Variants in ST6GALNAC3 observed in about 807,000 individuals in gnomAD.
ST6GALNAC3 encodes the protein ST6 N-acetylgalactosaminide alpha-2,6-sialyltransferase 3, also known as alpha-N-acetylgalactosaminide alpha-2,6-sialyltransferase 3.
In ST6GALNAC3, 25 loss-of-function variants were observed where a neutral mutation model predicts 32.7. That is an observed-to-expected ratio of 0.76 (90% confidence interval 0.56 to 1.07). The LOEUF is 1.07. Among genes scored for constraint, ST6GALNAC3 ranks in the 50% least tolerant of loss-of-function variants. The pLI is 0.00. For synonymous variants in ST6GALNAC3, 129 were observed against 133.1 expected, an observed-to-expected ratio of 0.97 and a Z score of 0.21; for missense variants, 355 against 382.4, an observed-to-expected ratio of 0.93 and a Z score of 0.60.
At chr1:76,156,907 C>G (rs1016441378) in intron 1 of ST6GALNAC3, among the ~76,000 whole-genome samples, 1 of 152,130 alleles carries the variant, frequency 6.6e-6, no homozygotes, top group Non-Finnish European at 1.5e-5. Flanking sequence ...AATTTTTTGT[C>G]TTTTTAGTAC....
chr1:76,508,186 G>A (rs540358919), intron 3 of ST6GALNAC3, among the ~76,000 whole-genome samples: 5 of 152,184 alleles, frequency 3.3e-5, no homozygotes, highest in East Asian at 1.9e-4. Flanking sequence ...GGGGGATAGC[G>A]TTAGATTCTC....
intron 1 of ST6GALNAC3, among the ~76,000 whole-genome samples, chr1:76,267,467 T>G (rs897040130): frequency 6.6e-6 from 1 of 152,210 alleles, no homozygotes; most frequent in Non-Finnish European, 1.5e-5. Flanking sequence ...ACAGAGCATC[T>G]GCAACCACTC....
intron 1 of ST6GALNAC3, among the ~76,000 whole-genome samples, chr1:76,172,516 G>A (rs1652588811): frequency 6.6e-6 from 1 of 152,114 alleles, no homozygotes. Context: ...AGAAATAAAG[G>A]TATTCAAATA....
In ST6GALNAC3 at chr1:76,314,083, C is replaced by T. The variant is rs1646821727; in HGVS notation, c.213+84C>T. The T allele has an allele frequency of 4.5e-6, 6 of 1,338,204 alleles. No individual in the cohort carries two copies. The South Asian group carries it at 8.8e-5, about 20-fold the overall frequency. The allele number at this position is 1,338,204 out of a possible 1,614,324, so 82.9% of individuals were successfully genotyped here. A position where few individuals can be genotyped will look rare whatever the true frequency, so the allele number is the denominator to read the frequency against. On this transcript the variant is annotated intron_variant, in intron 2 of 4. Transcript: ENST00000328299. The stretch of plus-strand genomic sequence containing the variant: ...TAGGAGCCAGAGGGCTTCCAACTCA[C>T]TGAACTTACTCTGTCTGCCCCGGAG...
intron 3 of ST6GALNAC3, among the ~76,000 whole-genome samples, chr1:76,594,975 A>G (rs1647111278): frequency 6.6e-6 from 1 of 152,132 alleles, no homozygotes; most frequent in African/African-American, 2.4e-5. Flanking sequence ...GATACATTAC[A>G]TTATTATTAA....
At chr1:76,303,379 G>C (rs1660844954) in intron 1 of ST6GALNAC3, among the ~76,000 whole-genome samples, 1 of 151,962 alleles carries the variant, frequency 6.6e-6, no homozygotes, top group African/African-American at 2.4e-5. Flanking sequence ...CTAGCCAGTG[G>C]AAAGTTAGGG....
intron 1 of ST6GALNAC3, among the ~76,000 whole-genome samples, chr1:76,271,963 A>G (rs1414932074): frequency 6.6e-6 from 1 of 152,168 alleles, no homozygotes; most frequent in Non-Finnish European, 1.5e-5. Context: ...CCAAGTAGGT[A>G]GCACAAGGGA....
intron 1 of ST6GALNAC3, among the ~76,000 whole-genome samples, chr1:76,203,976 A>AT: frequency 6.6e-6 from 1 of 152,226 alleles, no homozygotes; most frequent in Admixed American, 6.5e-5. Context: ...ACTAGCTTTT[A>AT]TTTTTTCTAT....
chr1:76,623,097 A>G (rs1385508950), intron 3 of ST6GALNAC3, among the ~76,000 whole-genome samples: 2 of 151,924 alleles, frequency 1.3e-5, no homozygotes, highest in African/African-American at 2.4e-5. Flanking sequence ...GCCTTTCGAC[A>G]TGAAGGAATA....
chr1:76,570,304 C>T (rs1027620127), intron 3 of ST6GALNAC3, among the ~76,000 whole-genome samples: 37 of 152,130 alleles, frequency 2.4e-4, no homozygotes, highest in African/African-American at 8.7e-4. Context: ...GGATATTCTG[C>T]CCTCAGACCA....
chr1:76,424,070 A>G (rs1655209378), intron 3 of ST6GALNAC3, among the ~76,000 whole-genome samples: 1 of 151,980 alleles, frequency 6.6e-6, no homozygotes. Flanking sequence ...CTTTTTCATG[A>G]CATGTTCTAT....
At chr1:76,247,957 C>T (rs1657380771) in intron 1 of ST6GALNAC3, among the ~76,000 whole-genome samples, 1 of 151,324 alleles carries the variant, frequency 6.6e-6, no homozygotes. Flanking sequence ...GTGGTGTAGG[C>T]TCACCAGGGA....
intron 1 of ST6GALNAC3, among the ~76,000 whole-genome samples, chr1:76,242,265 A>G (rs1657007045): frequency 1.3e-5 from 2 of 152,032 alleles, no homozygotes; most frequent in Non-Finnish European, 2.9e-5. Context: ...AAAAGAGTAC[A>G]CTGAGGAAAA....
At chr1:76,243,039 C>A (rs1657055282) in intron 1 of ST6GALNAC3, among the ~76,000 whole-genome samples, 1 of 152,192 alleles carries the variant, frequency 6.6e-6, no homozygotes, top group Non-Finnish European at 1.5e-5. Context: ...CACTGCCTTG[C>A]ACAATGGTTG....
At chr1:76,341,677 CTTT>C (rs1557803961) in intron 2 of ST6GALNAC3, among the ~76,000 whole-genome samples, 29 of 139,966 alleles carry the variant, frequency 2.1e-4, no homozygotes, top group East Asian at 1.5e-3. Context: ...TTCTTTCTTT[CTTT>C]CCTTCTTTCT....
chr1:76,162,889 G>A (rs1484545411), intron 1 of ST6GALNAC3, among the ~76,000 whole-genome samples: 1 of 152,164 alleles, frequency 6.6e-6, no homozygotes, highest in Non-Finnish European at 1.5e-5. Context: ...ACAAAGAGGA[G>A]GTGACCAGGC....
At chr1:76,345,806 C>G (rs759606880) in intron 2 of ST6GALNAC3, among the ~76,000 whole-genome samples, 4 of 152,072 alleles carry the variant, frequency 2.6e-5, no homozygotes, top group Non-Finnish European at 4.4e-5. Context: ...CCCACTCTCT[C>G]TCTTGCTCCC....
At chr1:76,213,218 G>A (rs4949698) in intron 1 of ST6GALNAC3, among the ~76,000 whole-genome samples, 70,413 of 151,860 alleles carry the variant, frequency 0.46, 18,925 homozygotes, top group East Asian at 0.86. Flanking sequence ...ATGACATGTG[G>A]TACTTCAAAA....
At chr1:76,170,272 C>T (rs1159112477) in intron 1 of ST6GALNAC3, among the ~76,000 whole-genome samples, 2 of 152,146 alleles carry the variant, frequency 1.3e-5, no homozygotes, top group Non-Finnish European at 2.9e-5. Flanking sequence ...GGGTGCCTGC[C>T]TCCATGTGGG....
Sources: gnomAD v4.1 joint callset for allele counts (sites outside exome capture counted in the v4.1 genomes callset) on GRCh38, gnomAD v4.1.1 for gene constraint, MANE v1.5 for transcripts, NCBI Gene and HGNC (gene_info 2026-07-23, HGNC 2026-07-21) for gene names.